The following DCC variants were observed in gnomAD, a reference collection of about 807,000 sequenced individuals.
DCC encodes DCC netrin 1 receptor.
In DCC, 58 loss-of-function variants were observed where a neutral mutation model predicts 172.5. The ratio of observed to expected loss-of-function variants is 0.34; its 90% CI spans 0.27 to 0.42. The LOEUF is 0.42. Among genes scored for constraint, DCC ranks in the 10% least tolerant of loss-of-function variants. The pLI is 1.00. For synonymous variants in DCC, 709 were observed against 644.5 expected (o/e 1.10, Z -1.52); for missense variants, 1,740 against 1,791.0 (o/e 0.97, Z 0.51).
At chr18:52,539,910 A>T (rs77398405) in intron 1 of DCC, among the ~76,000 whole-genome samples, 3 of 152,270 alleles carry the variant, frequency 2.0e-5, no homozygotes, top group East Asian at 1.9e-4. Flanking sequence ...CAACAAAAAA[A>T]CCCACAAAAT....
intron 8 of DCC, among the ~76,000 whole-genome samples, chr18:53,163,118 C>A (rs1036122968): frequency 6.6e-6 from 1 of 152,140 alleles, no homozygotes; most frequent in African/African-American, 2.4e-5. Flanking sequence ...TGGCTGAGTA[C>A]GTGTGTATTT....
In DCC at chr18:52,664,470, C is replaced by CTTTTTTTTTTTTTT. The variant is rs74178680; in HGVS notation, c.92-87579_92-87578insTTTTTTTTTTTTTT. 1.2e-4 allele frequency among the ~76,000 whole-genome samples: 12 copies of CTTTTTTTTTTTTTT among 99,794 alleles called. 1 individual carries two copies. The highest frequency in any genetic ancestry group is 3.0e-4 in the East Asian group (1 of 3,300). The allele number at this position is 99,794 out of a possible 152,430, so 65.5% of individuals were successfully genotyped here. ...CAAATATCTTTTTTCTTTTCTTTTTCTTTTTCTTTTTTTTTTTTTTTTGAG... is the reference window on the plus strand; with the variant it reads ...CAAATATCTTTTTTCTTTTCTTTTTCTTTTTTTTTTTTTTTTTTTCTTTTTTTTTTTTTTTTGAG... On this transcript the variant is annotated intron_variant, in intron 1 of 28. Transcript: ENST00000442544.
Position 53,207,892 on chromosome 18 carries a change from T to C in DCC, c.1861+75T>C. ...CAATAATGACATGATATTGCACATA[T>C]ATCATATATTCCATTTTCAAGGCTT... On this transcript the variant is annotated intron_variant, in intron 11 of 28. Transcript: ENST00000442544. 10 of 1,330,720 alleles carry C rather than the reference T, an allele frequency of 7.5e-6. No individual in the cohort carries two copies. In the South Asian group the frequency reaches 1.2e-4, roughly 16 times the overall value. The allele number at this position is 1,330,720 out of a possible 1,614,324, so 82.4% of individuals were successfully genotyped here.
At chr18:52,873,051 T>G (rs1282214715) in intron 2 of DCC, among the ~76,000 whole-genome samples, 1 of 152,228 alleles carries the variant, frequency 6.6e-6, no homozygotes, top group African/African-American at 2.4e-5. Context: ...AGAATAATGC[T>G]GTCAATCTCA....
intron 12 of DCC, among the ~76,000 whole-genome samples, chr18:53,275,445 G>A (rs2056794080): frequency 6.6e-6 from 1 of 152,080 alleles, no homozygotes; most frequent in Admixed American, 6.6e-5. Flanking sequence ...AACTAAACGT[G>A]TCACAGAGAG....
At chr18:53,361,466 A>G (rs1421440063) in intron 15 of DCC, among the ~76,000 whole-genome samples, 4 of 152,214 alleles carry the variant, frequency 2.6e-5, no homozygotes, top group Admixed American at 2.0e-4. Flanking sequence ...TTAACACAAC[A>G]CTATTGGAGA....
intron 15 of DCC, among the ~76,000 whole-genome samples, chr18:53,363,597 C>T (rs895554770): frequency 3.9e-5 from 6 of 152,160 alleles, no homozygotes; most frequent in Non-Finnish European, 5.9e-5. Flanking sequence ...CATTTACACA[C>T]ACATATGGTC....
intron 1 of DCC, among the ~76,000 whole-genome samples, chr18:52,628,426 A>T (rs996217734): frequency 6.6e-6 from 1 of 152,178 alleles, no homozygotes; most frequent in African/African-American, 2.4e-5. Flanking sequence ...GTATATTCTG[A>T]TATATAGTAT....
intron 5 of DCC, among the ~76,000 whole-genome samples, chr18:53,057,888 G>T (rs983595923): frequency 1.3e-5 from 2 of 151,984 alleles, no homozygotes; most frequent in East Asian, 1.9e-4. Context: ...AATCTGGTTG[G>T]TAAATAGTGA....
chr18:53,191,347 CAG>C (rs2055363758), intron 9 of DCC, among the ~76,000 whole-genome samples: 2 of 152,116 alleles, frequency 1.3e-5, no homozygotes, highest in African/African-American at 2.4e-5. Context: ...ATTTATGCCA[CAG>C]AGTGTTTAAA....
At chr18:52,955,378 T>G (rs2040725413) in intron 5 of DCC, among the ~76,000 whole-genome samples, 1 of 131,516 alleles carries the variant, frequency 7.6e-6, no homozygotes, top group Admixed American at 7.4e-5. Context: ...ATGAGTTTAG[T>G]AGACCTTTTT....
rs181167171 is a variant in DCC, at chr18:53,082,796, C to T, written c.1261+16630C>T. ...ACTTTATTATATCTTCTTTTCTGGC[C>T]TGGGATTAGTTAACTAGGATTTATA... On this transcript the variant is annotated intron_variant, in intron 7 of 28. Coordinates refer to ENST00000442544, the MANE Select transcript of DCC (RefSeq NM_005215.4). Among the ~76,000 whole-genome samples the T allele has an allele frequency of 1.6e-3, 244 of 152,022 alleles. 1 individual carries two copies. Among genetic ancestry groups the T allele is most frequent in the African/African-American group, 5.4e-3 (225 of 41,484 alleles).
chr18:52,363,961 CTG>C (rs1194884483), intron 1 of DCC, among the ~76,000 whole-genome samples: 1 of 152,214 alleles, frequency 6.6e-6, no homozygotes, highest in Non-Finnish European at 1.5e-5. Flanking sequence ...GCCATCTACA[CTG>C]TGCAACATGG....
chr18:53,366,495 T>G (rs2144945750), intron 15 of DCC, among the ~76,000 whole-genome samples: 1 of 152,268 alleles, frequency 6.6e-6, no homozygotes, highest in African/African-American at 2.4e-5. Flanking sequence ...AATAAAGAAA[T>G]GGCCCATGAC....
At chr18:53,076,409 C>A (rs1001255871) in intron 7 of DCC, among the ~76,000 whole-genome samples, 1 of 152,078 alleles carries the variant, frequency 6.6e-6, no homozygotes, top group Non-Finnish European at 1.5e-5. Context: ...ATACTAGACC[C>A]TAGAAAAAGG....
At chr18:53,158,484 C>T (rs1555721800) in intron 8 of DCC, among the ~76,000 whole-genome samples, 2 of 152,134 alleles carry the variant, frequency 1.3e-5, no homozygotes, top group East Asian at 1.9e-4. Flanking sequence ...GTGCTGTAAA[C>T]ATGTGATGAT....
chr18:53,235,295 G>A (rs1235271740), intron 12 of DCC, among the ~76,000 whole-genome samples: 2 of 152,112 alleles, frequency 1.3e-5, no homozygotes. Context: ...CTGGATGTGG[G>A]CACAAATTCA....
intron 5 of DCC, among the ~76,000 whole-genome samples, chr18:53,056,064 A>G (rs2042399576): frequency 2.0e-5 from 3 of 152,128 alleles, no homozygotes; most frequent in African/African-American, 7.2e-5. Flanking sequence ...TCTTAGGTGT[A>G]TTAGTCCATT....
chr18:52,550,962 A>C (rs1445160061), intron 1 of DCC, among the ~76,000 whole-genome samples: 3 of 151,980 alleles, frequency 2.0e-5, no homozygotes, highest in African/African-American at 7.2e-5. Flanking sequence ...TAAAAAAATG[A>C]ATGCTAATGA....
Sources: allele counts gnomAD v4.1 joint callset (sites outside exome capture counted in the v4.1 genomes callset), GRCh38; gene constraint gnomAD v4.1.1; transcripts MANE v1.5; gene names NCBI Gene and HGNC (gene_info 2026-07-23, HGNC 2026-07-21).